Variants in TCF7L1 observed in about 807,000 individuals in gnomAD.
TCF7L1 encodes transcription factor 7 like 1, also known as transcription factor 7-like 1.
Under a neutral mutation model 63.7 loss-of-function variants are expected in TCF7L1, and 18 were observed. The ratio of observed to expected loss-of-function variants is 0.28; its 90% CI spans 0.20 to 0.42. TCF7L1 has a LOEUF of 0.42. Among genes scored for constraint, TCF7L1 ranks in the 10% least tolerant of loss-of-function variants. TCF7L1 has a pLI of 1.00. For synonymous variants in TCF7L1, 355 were observed against 340.9 expected (o/e 1.04, Z -0.46); for missense variants, 654 against 779.3 (o/e 0.84, Z 1.91).
At chr2:85,300,513 C>T (rs982573636) in intron 4 of TCF7L1, among the ~76,000 whole-genome samples, 8 of 152,218 alleles carry the variant, frequency 5.3e-5, no homozygotes, top group Non-Finnish European at 1.2e-4. Flanking sequence ...CAGCTGTGTG[C>T]TGGCGCCACC....
chr2:85,282,036 G>A (rs1681432174), intron 3 of TCF7L1, among the ~76,000 whole-genome samples: 2 of 151,948 alleles, frequency 1.3e-5, no homozygotes, highest in Admixed American at 1.3e-4. Flanking sequence ...CGTCCAGGCT[G>A]TAGTGCCATG....
At chr2:85,174,596 T>A (rs552154514) in intron 3 of TCF7L1, among the ~76,000 whole-genome samples, 2 of 152,312 alleles carry the variant, frequency 1.3e-5, no homozygotes, top group East Asian at 3.9e-4. Context: ...GGCTGTTCTG[T>A]GCTGGTGTGC....
At chr2:85,246,765 AT>A (rs11291124) in intron 3 of TCF7L1, among the ~76,000 whole-genome samples, 34,101 of 151,936 alleles carry the variant, frequency 0.22, 4,137 homozygotes, top group Non-Finnish European at 0.28. Flanking sequence ...CTCTCAAGAT[AT>A]TTTTTTCTTA....
intron 3 of TCF7L1, among the ~76,000 whole-genome samples, chr2:85,145,794 A>T (rs1325347735): frequency 6.6e-6 from 1 of 152,232 alleles, no homozygotes; most frequent in Non-Finnish European, 1.5e-5. Flanking sequence ...CCACTCAGGG[A>T]AGTACACAGC....
At chr2:85,230,656 A>G (rs1161102281) in intron 3 of TCF7L1, among the ~76,000 whole-genome samples, 1 of 152,160 alleles carries the variant, frequency 6.6e-6, no homozygotes, top group Non-Finnish European at 1.5e-5. Context: ...TTAAAGCTAC[A>G]TCATATCACC....
intron 3 of TCF7L1, among the ~76,000 whole-genome samples, chr2:85,147,775 T>C (rs1677915403): frequency 1.3e-5 from 2 of 152,112 alleles, no homozygotes; most frequent in South Asian, 4.1e-4. Flanking sequence ...CTTAGTTTGT[T>C]GCCTCGCTCA....
intron 3 of TCF7L1, chr2:85,213,656 C>T (rs929259722): frequency 6.6e-6 from 1 of 152,118 alleles, no homozygotes; most frequent in Non-Finnish European, 1.5e-5. Flanking sequence ...AAATAACCAC[C>T]CTGGGAAGTG....
At chr2:85,193,744 A>C (rs906803902) in intron 3 of TCF7L1, among the ~76,000 whole-genome samples, 1 of 152,208 alleles carries the variant, frequency 6.6e-6, no homozygotes, top group African/African-American at 2.4e-5. Flanking sequence ...TATTGTAAGA[A>C]AATGTCTTTT....
Position 85,134,132 on chromosome 2 carries a change from G to T in TCF7L1, c.313+53G>T. On this transcript the variant is annotated intron_variant, in intron 2 of 11. Transcript: ENST00000282111. The surrounding 1 kb of genome is among the most constrained non-coding windows in gnomAD (Gnocchi z 5.0). The stretch of plus-strand genomic sequence containing the variant: ...CTCTCGATTCCCGCTGCGCTCCGCT[G>T]CTCAGCCCGGGCGGCCCACCGTCCC... 6.3e-7 allele frequency: 1 copy of T among 1,588,934 alleles called. No individual in the cohort carries two copies. Among genetic ancestry groups the T allele is most frequent in the Non-Finnish European group, 8.6e-7 (1 of 1,166,832 alleles).
intron 3 of TCF7L1, among the ~76,000 whole-genome samples, chr2:85,259,373 C>G (rs1680803647): frequency 6.6e-6 from 1 of 152,182 alleles, no homozygotes; most frequent in Non-Finnish European, 1.5e-5. Flanking sequence ...GCAGGGTTTG[C>G]TTGGGAATTC....
In TCF7L1 at chr2:85,134,033, G is replaced by A; in HGVS notation, c.267G>A (p.Gln89=). The part of the protein sequence containing the change: ...SSDSEAERRP[Q]PVRDTFQKPR... ...CTCCGCAGGCGGAGAGGCGCCCGCA[G>A]CCCGTCCGGGACACTTTCCAGAAGC... The change falls in exon 2 of 12, where the codon CAG becomes CAA. Residue 89 remains glutamine (Q), a synonymous_variant. Coordinates refer to ENST00000282111, the MANE Select transcript of TCF7L1 (RefSeq NM_031283.3). The surrounding 1 kb of genome is among the most constrained non-coding windows in gnomAD (Gnocchi z 5.0). The A allele has an allele frequency of 6.2e-7, 1 of 1,610,080 alleles. No individual in the cohort carries two copies. The highest frequency in any genetic ancestry group is 8.5e-7 in the Non-Finnish European group (1 of 1,178,726).
intron 3 of TCF7L1, among the ~76,000 whole-genome samples, chr2:85,209,953 G>C (rs1321727667): frequency 6.6e-6 from 1 of 152,162 alleles, no homozygotes; most frequent in East Asian, 1.9e-4. Context: ...AGGGATCTCT[G>C]TTTGAGACAT....
At chr2:85,247,605 G>A (rs1680494890) in intron 3 of TCF7L1, among the ~76,000 whole-genome samples, 1 of 152,194 alleles carries the variant, frequency 6.6e-6, no homozygotes, top group Non-Finnish European at 1.5e-5. Flanking sequence ...TCCTTAAGCA[G>A]TTGAATTGAG....
chr2:85,229,085 G>A (rs112064117), intron 3 of TCF7L1, among the ~76,000 whole-genome samples: 5,371 of 150,892 alleles, frequency 0.036, 315 homozygotes, highest in African/African-American at 0.13. Flanking sequence ...GGTGGCTCAC[G>A]CCTGTAATCC....
chr2:85,173,753 C>CTTTCTTTTTTTTTTTTTTTT (rs1320127308), intron 3 of TCF7L1, among the ~76,000 whole-genome samples: 74 of 144,770 alleles, frequency 5.1e-4, no homozygotes, highest in African/African-American at 1.8e-3. Context: ...CTTTTTTTTT[C>CTTTCTTTTTTTTTTTTTTTT]TGAGACGGAG....
intron 3 of TCF7L1, among the ~76,000 whole-genome samples, chr2:85,135,868 CTG>C (rs1472957671): frequency 6.7e-6 from 1 of 149,344 alleles, no homozygotes; most frequent in Non-Finnish European, 1.5e-5. Flanking sequence ...GCAGTGAAAA[CTG>C]GATGTGGGTC....
intron 3 of TCF7L1, among the ~76,000 whole-genome samples, chr2:85,256,573 G>A (rs1428684360): frequency 6.6e-6 from 1 of 152,234 alleles, no homozygotes; most frequent in Admixed American, 6.5e-5. Flanking sequence ...GGGACACTGG[G>A]AGGGGTCGGC....
chr2:85,218,516 A>G (rs1049397148), intron 3 of TCF7L1, among the ~76,000 whole-genome samples: 10 of 152,182 alleles, frequency 6.6e-5, no homozygotes, highest in Non-Finnish European at 4.4e-5. Flanking sequence ...TTGGCCTCCC[A>G]AAGTTCTGGG....
chr2:85,252,074 C>T (rs1680603606), intron 3 of TCF7L1, among the ~76,000 whole-genome samples: 1 of 152,158 alleles, frequency 6.6e-6, no homozygotes, highest in African/African-American at 2.4e-5. Flanking sequence ...GATCCTCTCT[C>T]AAAACACACA....
Sources: gnomAD v4.1 joint callset for allele counts (sites outside exome capture counted in the v4.1 genomes callset) on GRCh38, gnomAD v4.1.1 for gene constraint, Gnocchi (gnomAD v3.1) non-coding constraint, MANE v1.5 for transcripts, NCBI Gene and HGNC (gene_info 2026-07-23, HGNC 2026-07-21) for gene names.